The following ARHGAP24 variants were observed in gnomAD, a reference collection of about 807,000 sequenced individuals.
ARHGAP24 encodes rho GTPase-activating protein 24.
In ARHGAP24, 50 loss-of-function variants were observed where a neutral mutation model predicts 76.4. The ratio of observed to expected loss-of-function variants is 0.65; its 90% CI spans 0.52 to 0.83. The LOEUF (loss-of-function observed/expected upper bound fraction) is 0.83. ARHGAP24 is among the 40% of genes least tolerant of loss of function. ARHGAP24 has a pLI of 0.00. For missense variants in ARHGAP24, 930 were observed against 914.2 expected (o/e 1.02, Z -0.22); for synonymous variants, 345 against 323.3 (o/e 1.07, Z -0.72).
At chr4:85,478,624 A>G (rs968007467) in intron 1 of ARHGAP24, among the ~76,000 whole-genome samples, 30 of 152,214 alleles carry the variant, frequency 2.0e-4, no homozygotes, top group African/African-American at 7.0e-4. Flanking sequence ...GACTTACAAT[A>G]TTTAAACTCT....
intron 2 of ARHGAP24, among the ~76,000 whole-genome samples, chr4:85,701,269 CT>C (rs1724076083): frequency 6.6e-6 from 1 of 152,064 alleles, no homozygotes; most frequent in Non-Finnish European, 1.5e-5. Context: ...GCCTCATAGC[CT>C]TTTGTTTTGT....
chr4:85,950,626 T>C (rs555506243), intron 5 of ARHGAP24, among the ~76,000 whole-genome samples: 4 of 151,898 alleles, frequency 2.6e-5, no homozygotes, highest in Admixed American at 2.0e-4. Context: ...TAATAATTTT[T>C]TTTCTTTTTC....
intron 2 of ARHGAP24, among the ~76,000 whole-genome samples, chr4:85,643,013 T>C (rs1356953048): frequency 1.3e-5 from 2 of 152,070 alleles, no homozygotes; most frequent in African/African-American, 4.8e-5. Context: ...ATAATCCCAC[T>C]TGGGGACTTT....
At chr4:85,945,088 C>A (rs1737173954) in intron 5 of ARHGAP24, among the ~76,000 whole-genome samples, 1 of 151,564 alleles carries the variant, frequency 6.6e-6, no homozygotes, top group African/African-American at 2.4e-5. Flanking sequence ...TCAGGTGATC[C>A]ACCCGACTCA....
intron 3 of ARHGAP24, among the ~76,000 whole-genome samples, chr4:85,779,746 A>G (rs951153471): frequency 2.0e-5 from 3 of 152,144 alleles, no homozygotes; most frequent in African/African-American, 7.2e-5. Context: ...GAATAGCCCA[A>G]TGCGGCACAG....
intron 3 of ARHGAP24, among the ~76,000 whole-genome samples, chr4:85,826,730 A>G (rs1401932157): frequency 6.6e-6 from 1 of 152,192 alleles, no homozygotes. Flanking sequence ...AGTAGACAAA[A>G]CAGGCACTAG....
At chr4:85,643,088 A>G (rs1396174650) in intron 2 of ARHGAP24, among the ~76,000 whole-genome samples, 1 of 151,734 alleles carries the variant, frequency 6.6e-6, no homozygotes, top group Non-Finnish European at 1.5e-5. Context: ...TTTTTCCTTC[A>G]TTTCATCTTT....
rs1269787590 is a variant in ARHGAP24 at position 86,000,262 on chromosome 4, C to A, written c.2004-217C>A. 8 of 436,484 alleles carry A rather than the reference C, an allele frequency of 1.8e-5. No homozygotes were observed. In the East Asian group the frequency reaches 2.9e-4, roughly 16 times the overall value. The allele number at this position is 436,484 out of a possible 1,614,324, so 27.0% of individuals were successfully genotyped here. On this transcript the variant is annotated intron_variant, in intron 9 of 9. Transcript: ENST00000395184. ...CTGCTTCCAAGAGAGGCCTTGGGAC[C>A]TAATGACTAAGGTGACAGTAAATCA...
chr4:85,786,582 T>C (rs1004873835), intron 3 of ARHGAP24, among the ~76,000 whole-genome samples: 1 of 152,204 alleles, frequency 6.6e-6, no homozygotes, highest in Non-Finnish European at 1.5e-5. Flanking sequence ...GTCAGAGATA[T>C]GCATTTCAAA....
chr4:85,648,230 A>G (rs1044522675), intron 2 of ARHGAP24, among the ~76,000 whole-genome samples: 9 of 152,092 alleles, frequency 5.9e-5, no homozygotes, highest in African/African-American at 2.2e-4. Context: ...CCTCAGTTAT[A>G]TCTTACAGAA....
At chr4:85,504,160 G>C (rs1187981810) in intron 1 of ARHGAP24, among the ~76,000 whole-genome samples, 2 of 152,230 alleles carry the variant, frequency 1.3e-5, no homozygotes, top group Non-Finnish European at 2.9e-5. Context: ...TTAAGAATAA[G>C]TGCGATGTGG....
At chr4:85,823,977 A>G (rs1729593180) in intron 3 of ARHGAP24, among the ~76,000 whole-genome samples, 1 of 152,146 alleles carries the variant, frequency 6.6e-6, no homozygotes, top group African/African-American at 2.4e-5. Flanking sequence ...TTAAGATAGA[A>G]AAGGCATTAA....
chr4:85,742,783 A>G lies in ARHGAP24; in HGVS notation c.268+20811A>G, dbSNP rs72656271. ...TTTAAAATATCACTAGCTAGCCTGT[A>G]CGTTTCTTAGGAGGCAAAAACAATT... On this transcript the variant is annotated intron_variant, in intron 3 of 9. Transcript: ENST00000395184. Among the ~76,000 whole-genome samples, 3 of 152,160 alleles carry G rather than the reference A, an allele frequency of 2.0e-5. No individual in the cohort carries two copies. In the East Asian group the frequency reaches 5.8e-4, roughly 29 times the overall value.
chr4:85,703,851 AG>A (rs1724196564), intron 2 of ARHGAP24, among the ~76,000 whole-genome samples: 1 of 152,142 alleles, frequency 6.6e-6, no homozygotes, highest in South Asian at 2.1e-4. Context: ...ATTTACATAG[AG>A]TTATGTAATC....
intron 3 of ARHGAP24, among the ~76,000 whole-genome samples, chr4:85,876,764 C>T (rs1034948194): frequency 2.0e-5 from 3 of 152,146 alleles, no homozygotes; most frequent in African/African-American, 4.8e-5. Flanking sequence ...ATGGAGCACA[C>T]GTAACATCAG....
At chr4:85,495,551 C>G (rs1381513439) in intron 1 of ARHGAP24, among the ~76,000 whole-genome samples, 1 of 151,652 alleles carries the variant, frequency 6.6e-6, no homozygotes, top group Non-Finnish European at 1.5e-5. Flanking sequence ...CGGGTTTTCA[C>G]CGTGTTAGCC....
At chr4:85,761,642 T>A (rs922923027) in intron 3 of ARHGAP24, among the ~76,000 whole-genome samples, 2 of 152,178 alleles carry the variant, frequency 1.3e-5, no homozygotes, top group African/African-American at 4.8e-5. Context: ...GTGGGTCAAA[T>A]GAAGAATGAA....
intron 3 of ARHGAP24, among the ~76,000 whole-genome samples, chr4:85,825,196 C>T (rs1729655716): frequency 1.3e-5 from 2 of 152,162 alleles, no homozygotes. Context: ...TCTGTTTCCA[C>T]TTTTATTGTT....
At chr4:85,801,481 C>G (rs1728575366) in intron 3 of ARHGAP24, among the ~76,000 whole-genome samples, 1 of 152,186 alleles carries the variant, frequency 6.6e-6, no homozygotes, top group South Asian at 2.1e-4. Context: ...GTCAGTTGCT[C>G]TGCTACAGGA....
Sources: allele counts gnomAD v4.1 joint callset (sites outside exome capture counted in the v4.1 genomes callset), GRCh38; gene constraint gnomAD v4.1.1; transcripts MANE v1.5; gene names NCBI Gene and HGNC (gene_info 2026-07-23, HGNC 2026-07-21).